Variants in PTPRK observed in about 807,000 individuals in gnomAD.
The protein encoded by PTPRK is receptor-type tyrosine-protein phosphatase kappa.
Under a neutral mutation model 178.0 loss-of-function variants are expected in PTPRK, and 75 were observed. The observed-to-expected ratio is 0.42, with a 90% CI of 0.35 to 0.51. The LOEUF is 0.51. Ranked by LOEUF, PTPRK falls within the 20% of genes least tolerant of loss-of-function variation. PTPRK has a pLI of 0.02. For missense variants in PTPRK, 1,441 were observed against 1,797.8 expected (o/e 0.80, Z 3.59); for synonymous variants, 637 against 620.6 (o/e 1.03, Z -0.39).
chr6:128,029,873 G>A (rs1291761612), intron 13 of PTPRK, among the ~76,000 whole-genome samples: 3 of 152,048 alleles, frequency 2.0e-5, no homozygotes, highest in Non-Finnish European at 2.9e-5. Context: ...CACTGCTTAG[G>A]TTCCCTAGAA....
chr6:128,471,116 G>C (rs1276805231), intron 1 of PTPRK, among the ~76,000 whole-genome samples: 5 of 151,818 alleles, frequency 3.3e-5, no homozygotes, highest in Non-Finnish European at 5.9e-5. Context: ...ACTGTTCTCT[G>C]GGCTTTAAAT....
intron 23 of PTPRK, 23 bp downstream of exon 23, chr6:127,983,219 C>T (rs1775567725): frequency 6.4e-7 from 1 of 1,555,812 alleles, no homozygotes; most frequent in Non-Finnish European, 8.7e-7. Flanking sequence ...AAAAAAAAGT[C>T]CACTACAGGT....
At chr6:128,017,893 C>T (rs1779798506) in intron 13 of PTPRK, among the ~76,000 whole-genome samples, 1 of 144,194 alleles carries the variant, frequency 6.9e-6, no homozygotes, top group African/African-American at 2.5e-5. Context: ...AGCAATGTAT[C>T]CACAGATGTG....
At chr6:128,500,640 T>C (rs929459847) in intron 1 of PTPRK, 1 of 152,140 alleles carries the variant, frequency 6.6e-6, no homozygotes, top group African/African-American at 2.4e-5. Flanking sequence ...TATATAACCA[T>C]TTAAGTACAG....
intron 7 of PTPRK, among the ~76,000 whole-genome samples, chr6:128,146,293 T>A (rs1562669778): frequency 6.6e-6 from 1 of 152,158 alleles, no homozygotes. Flanking sequence ...ATGATCAATT[T>A]TACTTTATAT....
chr6:127,969,458 A>G lies in PTPRK; in HGVS notation c.*769T>C, dbSNP rs1773673209. 6.6e-6 allele frequency: 1 copy of G among 152,214 alleles called. No individual in the cohort carries two copies. Among genetic ancestry groups the G allele is most frequent in the African/African-American group, 2.4e-5 (1 of 41,462 alleles). The allele number at this position is 152,214 out of a possible 1,614,324, so 9.4% of individuals were successfully genotyped here. ...TTCCTGGTTTATGAATAAAAAGTTTATCTTCTACTTACACTAAAACATACA... is the reference window on the plus strand; with the variant it reads ...TTCCTGGTTTATGAATAAAAAGTTTGTCTTCTACTTACACTAAAACATACA... On this transcript the variant is annotated 3_prime_UTR_variant, in exon 30 of 30. Transcript: ENST00000368226.
chr6:128,251,082 T>A (rs1219075705), intron 3 of PTPRK, among the ~76,000 whole-genome samples: 1 of 152,178 alleles, frequency 6.6e-6, no homozygotes, highest in Admixed American at 6.6e-5. Flanking sequence ...AGTCAAGGCC[T>A]TGAGACTCTG....
intron 4 of PTPRK, among the ~76,000 whole-genome samples, chr6:128,240,777 A>G (rs1814275823): frequency 6.6e-6 from 1 of 152,228 alleles, no homozygotes; most frequent in Admixed American, 6.5e-5. Context: ...ATAAATACCC[A>G]TATTAGACTA....
intron 13 of PTPRK, among the ~76,000 whole-genome samples, chr6:128,029,799 C>T (rs1458084062): frequency 6.6e-6 from 1 of 151,938 alleles, no homozygotes; most frequent in Non-Finnish European, 1.5e-5. Context: ...GCATCATGAT[C>T]CAGATGTGCT....
At chr6:128,103,290 A>G (rs547061433) in intron 7 of PTPRK, among the ~76,000 whole-genome samples, 3 of 152,178 alleles carry the variant, frequency 2.0e-5, no homozygotes, top group African/African-American at 7.2e-5. Context: ...CTACCACTCA[A>G]TAAAACCCCC....
At chr6:128,079,837 G>GGAA (rs1405350634) in intron 10 of PTPRK, among the ~76,000 whole-genome samples, 1 of 152,026 alleles carries the variant, frequency 6.6e-6, no homozygotes, top group Admixed American at 6.6e-5. Context: ...GGCCAAAAGT[G>GGAA]GAAGACCATT....
intron 6 of PTPRK, among the ~76,000 whole-genome samples, chr6:128,190,503 T>A (rs551666549): frequency 5.3e-5 from 7 of 131,202 alleles, no homozygotes; most frequent in African/African-American, 9.3e-5. Flanking sequence ...TTTTTTTTTT[T>A]TTTTTTTTTT....
At chr6:128,261,769 T>G (rs2128293600) in intron 3 of PTPRK, among the ~76,000 whole-genome samples, 1 of 152,326 alleles carries the variant, frequency 6.6e-6, no homozygotes, top group East Asian at 1.9e-4. Flanking sequence ...AACTTTTAAA[T>G]ATGAATTTTG....
At chr6:128,504,163 A>G (rs1322018972) in intron 1 of PTPRK, among the ~76,000 whole-genome samples, 8 of 152,166 alleles carry the variant, frequency 5.3e-5, no homozygotes, top group Admixed American at 5.2e-4. Flanking sequence ...AAGAACAATA[A>G]GAGTCTTGAC....
chr6:128,452,721 T>G (rs1370461361), intron 1 of PTPRK, among the ~76,000 whole-genome samples: 1 of 152,184 alleles, frequency 6.6e-6, no homozygotes, highest in Non-Finnish European at 1.5e-5. Flanking sequence ...AAGCACACTA[T>G]AGAGATATGA....
chr6:128,241,745 G>C (rs949864425), intron 4 of PTPRK, among the ~76,000 whole-genome samples: 1 of 150,608 alleles, frequency 6.6e-6, no homozygotes, highest in African/African-American at 2.4e-5. Flanking sequence ...ACAAAACTGT[G>C]TATTAATAAA....
chr6:128,146,297 T>G (rs140232151), intron 7 of PTPRK, among the ~76,000 whole-genome samples: 3,895 of 152,296 alleles, frequency 0.026, 76 homozygotes, highest in Middle Eastern at 0.092. Flanking sequence ...TCAATTTTAC[T>G]TTATATATTT....
At chr6:128,465,733 TG>T (rs1244812536) in intron 1 of PTPRK, among the ~76,000 whole-genome samples, 4 of 152,174 alleles carry the variant, frequency 2.6e-5, no homozygotes, top group Non-Finnish European at 5.9e-5. Flanking sequence ...CTCTTGGGCA[TG>T]GGACTATCCA....
intron 1 of PTPRK, among the ~76,000 whole-genome samples, chr6:128,476,804 A>T (rs1851427651): frequency 6.6e-6 from 1 of 151,974 alleles, no homozygotes; most frequent in Admixed American, 6.6e-5. Flanking sequence ...GCAAATAATT[A>T]GTGGGGAACT....
Sources: gnomAD v4.1 joint callset for allele counts (sites outside exome capture counted in the v4.1 genomes callset) on GRCh38, gnomAD v4.1.1 for gene constraint, MANE v1.5 for transcripts, NCBI Gene and HGNC (gene_info 2026-07-23, HGNC 2026-07-21) for gene names.